B3GAT2: variants seen among roughly 807,000 people sequenced by gnomAD.
B3GAT2 encodes the protein beta-1,3-glucuronyltransferase 2.
B3GAT2 carries 26 observed loss-of-function variants against 27.8 expected under a neutral mutation model. That is an observed-to-expected ratio of 0.93 (90% CI 0.68 to 1.30). The LOEUF (loss-of-function observed/expected upper bound fraction) is 1.30, where lower values mean the gene tolerates loss of function less well. Among genes scored for constraint, B3GAT2 ranks in the 50% most tolerant of loss-of-function variants. The pLI is 0.00. For missense variants in B3GAT2, 458 were observed against 459.0 expected, an observed-to-expected ratio of 1.00 and a Z score of 0.02; for synonymous variants, 218 against 195.1, an observed-to-expected ratio of 1.12 and a Z score of -0.98.
At chr6:70,890,299 T>G (rs1405591333) in intron 2 of B3GAT2, among the ~76,000 whole-genome samples, 6 of 152,098 alleles carry the variant, frequency 3.9e-5, no homozygotes, top group Non-Finnish European at 2.9e-5. Flanking sequence ...GCCCCCAGGA[T>G]GCAATCCGAG....
chr6:70,894,155 C>A lies in B3GAT2; in HGVS notation c.709G>T (p.Asp237Tyr), dbSNP rs1160274987. Residue 237 changes from aspartate to tyrosine, a missense_variant, in exon 2 of 4, where the codon GAC becomes TAC. Physicochemically the swap from Asp to Tyr is radical, Grantham distance 160. Transcript: ENST00000230053. Reference sequence around the variant, plus strand: ...GCCATGTCGATGGCAAAAGGCCTGTCTGCTCTCCAGCCGGTGTACCAGCCA... The same window carrying A: ...GCCATGTCGATGGCAAAAGGCCTGTATGCTCTCCAGCCGGTGTACCAGCCA... Reference protein sequence around the residue: ...VVGWYTGWRADRPFAIDMAGF... With the variant: ...VVGWYTGWRAYRPFAIDMAGF... 2 of 1,613,210 alleles carry A rather than the reference C, an allele frequency of 1.2e-6. No homozygotes were observed. The highest frequency in any genetic ancestry group is 3.3e-5 in the Admixed American group (2 of 59,922).
At chr6:70,949,624 A>G (rs1168478289) in intron 1 of B3GAT2, among the ~76,000 whole-genome samples, 4 of 148,702 alleles carry the variant, frequency 2.7e-5, no homozygotes, top group Admixed American at 6.7e-5. Context: ...AACTAGTTCA[A>G]CCATTGTGGA....
intron 1 of B3GAT2, among the ~76,000 whole-genome samples, chr6:70,934,892 A>G (rs889485880): frequency 1.3e-5 from 2 of 152,252 alleles, no homozygotes; most frequent in African/African-American, 4.8e-5. Context: ...TATGTTTAAT[A>G]GTTAATTACC....
rs768381308 is a variant in B3GAT2, at chr6:70,956,446, C to G, written c.-17G>C. 4.5e-6 allele frequency: 7 copies of G among 1,550,348 alleles called. No individual in the cohort carries two copies. The highest frequency in any genetic ancestry group is 4.1e-5 in the African/African-American group (3 of 73,026). ...GGACTTCATGGTGCACGCTCCCTGG[C>G]CTCTCGGACACCCCAGAGAGGGGCG... On this transcript the variant is annotated 5_prime_UTR_variant, in exon 1 of 4. Coordinates refer to ENST00000230053, the MANE Select transcript of B3GAT2 (RefSeq NM_080742.3).
intron 2 of B3GAT2, among the ~76,000 whole-genome samples, chr6:70,876,038 C>T (rs964607419): frequency 4.6e-5 from 7 of 152,122 alleles, no homozygotes; most frequent in Admixed American, 3.9e-4. Flanking sequence ...GCACAACTAA[C>T]ACTGAAGTTT....
chr6:70,885,461 C>T (rs905895295), intron 2 of B3GAT2, among the ~76,000 whole-genome samples: 3 of 152,094 alleles, frequency 2.0e-5, no homozygotes, highest in Non-Finnish European at 4.4e-5. Flanking sequence ...CTTCGATTTT[C>T]TCCTGTTGAT....
intron 1 of B3GAT2, among the ~76,000 whole-genome samples, chr6:70,951,769 T>A (rs1765581104): frequency 6.6e-6 from 1 of 152,186 alleles, no homozygotes; most frequent in South Asian, 2.1e-4. Flanking sequence ...TACATTTCTA[T>A]AAAATTCTCA....
chr6:70,862,002 AAG>A lies in B3GAT2; in HGVS notation c.737-26_737-25del, dbSNP rs564113038. 2,258 of 1,559,888 alleles carry A rather than the reference AAG, an allele frequency of 1.4e-3. 22 individuals carry two copies. The African/African-American group carries it at 0.025, about 17-fold the overall frequency. On this transcript the variant is annotated intron_variant, in intron 2 of 3. Transcript: ENST00000230053. Reference sequence around the variant, plus strand: ...TCCTTTGTGAAAAATAAAAAAAAAAAAGAGACTTTAAAATCCTGGTGTACTTC... The same window carrying A: ...TCCTTTGTGAAAAATAAAAAAAAAAAAGACTTTAAAATCCTGGTGTACTTC...
intron 2 of B3GAT2, among the ~76,000 whole-genome samples, chr6:70,893,107 C>T (rs1423646777): frequency 6.6e-6 from 1 of 152,206 alleles, no homozygotes; most frequent in African/African-American, 2.4e-5. Flanking sequence ...ACAAGACCCA[C>T]CACACAGCTG....
At chr6:70,924,472 A>G (rs981732502) in intron 1 of B3GAT2, among the ~76,000 whole-genome samples, 1 of 152,212 alleles carries the variant, frequency 6.6e-6, no homozygotes, top group African/African-American at 2.4e-5. Flanking sequence ...TCTTGAAAAG[A>G]ATAAGTAAGT....
At chr6:70,928,290 C>A (rs1376875963) in intron 1 of B3GAT2, among the ~76,000 whole-genome samples, 15 of 151,466 alleles carry the variant, frequency 9.9e-5, no homozygotes, top group South Asian at 2.1e-4. Context: ...GAAGCCAGAG[C>A]AAACACATTC....
At chr6:70,949,047 A>T (rs1391839677) in intron 1 of B3GAT2, among the ~76,000 whole-genome samples, 1 of 152,198 alleles carries the variant, frequency 6.6e-6, no homozygotes, top group African/African-American at 2.4e-5. Flanking sequence ...TACACCTTAT[A>T]CAAAAATTAA....
rs554760625 is a variant in B3GAT2 at position 70,861,499 on chromosome 6, T to TTAAC, written c.*160_*163dup. On this transcript the variant is annotated 3_prime_UTR_variant, in exon 4 of 4. Coordinates refer to ENST00000230053, the MANE Select transcript of B3GAT2 (RefSeq NM_080742.3). ...GTACCAACCATCCAATTAGCTTATG[T>TTAAC]TAACTGACAAGCTCCATTTAAACAG... The TTAAC allele has an allele frequency of 5.5e-4, 342 of 626,030 alleles. 4 individuals carry two copies. In the South Asian group the frequency reaches 5.5e-3, roughly 10 times the overall value. 38.8% of individuals were successfully genotyped at this position (626,030 alleles called of 1,614,324 possible).
At chr6:70,869,729 C>A (rs1011717962) in intron 2 of B3GAT2, among the ~76,000 whole-genome samples, 6 of 152,110 alleles carry the variant, frequency 3.9e-5, no homozygotes, top group African/African-American at 1.2e-4. Flanking sequence ...AATTGATTTT[C>A]ATATATTGAT....
intron 1 of B3GAT2, among the ~76,000 whole-genome samples, chr6:70,936,485 T>A (rs1288673382): frequency 6.6e-6 from 1 of 152,054 alleles, no homozygotes; most frequent in Non-Finnish European, 1.5e-5. Flanking sequence ...TATTCCAAAA[T>A]TGACCACATA....
At chr6:70,880,143 T>G (rs1582347935) in intron 2 of B3GAT2, among the ~76,000 whole-genome samples, 1 of 151,308 alleles carries the variant, frequency 6.6e-6, no homozygotes, top group African/African-American at 2.4e-5. Context: ...GAGACTGGAG[T>G]GGTAAACCGG....
chr6:70,889,725 C>G (rs1195093634), intron 2 of B3GAT2, among the ~76,000 whole-genome samples: 2 of 152,062 alleles, frequency 1.3e-5, no homozygotes, highest in African/African-American at 4.8e-5. Flanking sequence ...CCAGCCAAGA[C>G]AGAACCTCCC....
chr6:70,936,382 T>A (rs1223915693), intron 1 of B3GAT2, among the ~76,000 whole-genome samples: 1 of 151,948 alleles, frequency 6.6e-6, no homozygotes, highest in Non-Finnish European at 1.5e-5. Context: ...GGAATTGAAC[T>A]CAGCTCTGCA....
intron 1 of B3GAT2, among the ~76,000 whole-genome samples, chr6:70,899,056 CTA>C (rs1388468666): frequency 2.0e-5 from 3 of 151,992 alleles, no homozygotes; most frequent in Admixed American, 6.6e-5. Context: ...CAAGAAATCA[CTA>C]TGTGTCTGTG....
Sources: allele counts gnomAD v4.1 joint callset (sites outside exome capture counted in the v4.1 genomes callset), GRCh38; gene constraint gnomAD v4.1.1; transcripts MANE v1.5; gene names NCBI Gene and HGNC (gene_info 2026-07-23, HGNC 2026-07-21).